BRCA1: variants seen among roughly 807,000 people sequenced by gnomAD.
BRCA1 encodes breast cancer type 1 susceptibility protein.
In BRCA1, 140 loss-of-function variants were observed where a neutral mutation model predicts 173.7. The ratio of observed to expected loss-of-function variants is 0.81; its 90% CI spans 0.70 to 0.93. The LOEUF (loss-of-function observed/expected upper bound fraction) is 0.93, where lower values mean the gene tolerates loss of function less well. Among genes scored for constraint, BRCA1 ranks in the 40% least tolerant of loss-of-function variants. The pLI is 0.00. For missense variants in BRCA1, 1,983 were observed against 2,172.5 expected (o/e 0.91, Z 1.73); for synonymous variants, 662 against 756.0 (o/e 0.88, Z 2.04).
intron 19 of BRCA1, among the ~76,000 whole-genome samples, chr17:43,052,878 G>GTTT (rs1202201268): frequency 7.7e-6 from 1 of 130,374 alleles, no homozygotes; most frequent in African/African-American, 3.0e-5. Context: ...AAGTCTGTGT[G>GTTT]TTTTTTTTTT....
At chr17:43,145,642 T>C (rs1341486514) in intron 1 of BRCA1, among the ~76,000 whole-genome samples, 1 of 152,226 alleles carries the variant, frequency 6.6e-6, no homozygotes, top group East Asian at 1.9e-4. Context: ...GGAATATTTT[T>C]ATCAACTATT....
At chr17:43,129,071 C>G (rs185898447), upstream of BRCA1, among the ~76,000 whole-genome samples, 6 of 152,150 alleles carry the variant, frequency 3.9e-5, no homozygotes, top group African/African-American at 1.2e-4. Flanking sequence ...AAAAAAAAAT[C>G]GATGTGGAGG....
intron 12 of BRCA1, among the ~76,000 whole-genome samples, chr17:43,078,369 G>A (rs2052839041): frequency 6.6e-6 from 1 of 152,148 alleles, no homozygotes; most frequent in Non-Finnish European, 1.5e-5. Flanking sequence ...ATAGGCATGA[G>A]CCACCATACC....
intron 20 of BRCA1, among the ~76,000 whole-genome samples, chr17:43,050,686 C>T (rs2051172797): frequency 6.6e-6 from 1 of 151,042 alleles, no homozygotes; most frequent in Admixed American, 6.6e-5. Context: ...GGGCCAGCTG[C>T]TGTGCTTTCT....
chr17:43,100,652 T>C (rs1395824079), intron 6 of BRCA1, among the ~76,000 whole-genome samples: 1 of 45,548 alleles, frequency 2.2e-5, no homozygotes, highest in African/African-American at 1.1e-4. Flanking sequence ...ATAACATATA[T>C]ATAACATATA....
chr17:43,070,602 T>G (rs183380638), intron 15 of BRCA1, among the ~76,000 whole-genome samples: 141 of 152,296 alleles, frequency 9.3e-4, no homozygotes, highest in African/African-American at 3.3e-3. Flanking sequence ...AAAAGATGCC[T>G]TCTGGGGAAT....
In BRCA1 at chr17:43,091,850, T is replaced by A. The variant is rs730881488; in HGVS notation, c.3681A>T (p.Gln1227His). 6.2e-7 allele frequency: 1 copy of A among 1,614,152 alleles called. No individual in the cohort carries two copies. Among genetic ancestry groups the A allele is most frequent in the African/African-American group, 1.3e-5 (1 of 75,024 alleles). Residue 1227 changes from glutamine to histidine, a missense_variant, in exon 10 of 23, where the codon CAA (glutamine) becomes CAT (histidine). Transcript: ENST00000357654. ...SSEDEELPCF[Q>H]HLLFGKVNNI... ...TGTTTACTTTACCAAATAACAAGTGTTGGAAGCAGGGAAGCTCTTCATCCT... is the reference window on the plus strand; with the variant it reads ...TGTTTACTTTACCAAATAACAAGTGATGGAAGCAGGGAAGCTCTTCATCCT...
intron 11 of BRCA1, among the ~76,000 whole-genome samples, chr17:43,087,747 G>A (rs2053285147): frequency 1.3e-5 from 2 of 151,746 alleles, no homozygotes; most frequent in African/African-American, 4.8e-5. Flanking sequence ...TGGATTTCTT[G>A]TTTTTGAGAC....
rs532039683 is a variant in BRCA1, at chr17:43,119,949, A to G, written c.80+4068T>C. Reference sequence around the variant, plus strand: ...AAGGAAGACTGTGAAAAGGGAAAAGAAAAAAAATTAAAATGTTCCCCTTCT... The same window carrying G: ...AAGGAAGACTGTGAAAAGGGAAAAGGAAAAAAATTAAAATGTTCCCCTTCT... On this transcript the variant is annotated intron_variant, in intron 2 of 22. Transcript: ENST00000357654. Among the ~76,000 whole-genome samples the G allele has an allele frequency of 2.5e-3, 387 of 152,286 alleles. 1 individual carries two copies. The highest frequency in any genetic ancestry group is 8.8e-3 in the African/African-American group (365 of 41,550).
intron 3 of BRCA1, among the ~76,000 whole-genome samples, chr17:43,115,088 G>A (rs2055200896): frequency 6.6e-6 from 1 of 152,182 alleles, no homozygotes; most frequent in Non-Finnish European, 1.5e-5. Flanking sequence ...GAAATGAACA[G>A]AAAGGAGAAA....
intron 22 of BRCA1, among the ~76,000 whole-genome samples, chr17:43,046,554 T>G (rs1392876056): frequency 6.6e-6 from 1 of 151,968 alleles, no homozygotes; most frequent in East Asian, 1.9e-4. Flanking sequence ...CGTGCCACCA[T>G]GCCTGGCTAA....
intron 2 of BRCA1, among the ~76,000 whole-genome samples, chr17:43,118,289 T>C (rs928404578): frequency 5.3e-5 from 8 of 152,164 alleles, no homozygotes; most frequent in African/African-American, 1.7e-4. Context: ...GAGGATATTG[T>C]AGGGAAAGAC....
At chr17:43,060,847 C>T (rs138814568) in intron 18 of BRCA1, among the ~76,000 whole-genome samples, 35 of 152,128 alleles carry the variant, frequency 2.3e-4, no homozygotes, top group African/African-American at 7.9e-4. Flanking sequence ...AAGCTCTGGC[C>T]GGGCACAGTG....
intron 1 of BRCA1, chr17:43,138,583 A>G: frequency 1.4e-6 from 1 of 720,940 alleles, no homozygotes. Context: ...AGGGCTCCCC[A>G]CCATGCCTGG....
chr17:43,057,087 C>A lies in BRCA1; in HGVS notation c.5242G>T (p.Gly1748Cys), dbSNP rs397507245. The A allele has an allele frequency of 6.2e-7, 1 of 1,614,082 alleles. No homozygotes were observed. Reference protein sequence around the residue: ...GDVVNGRNHQGPKRARESQDR... With the variant: ...GDVVNGRNHQCPKRARESQDR... Reference sequence around the variant, plus strand: ...TGGGATTCTCTTGCTCGCTTTGGACCTTGGTGGTTTCTTCCATTGACCACA... The same window carrying A: ...TGGGATTCTCTTGCTCGCTTTGGACATTGGTGGTTTCTTCCATTGACCACA... The change falls in exon 19 of 23, where the codon GGT becomes TGT. Residue 1748 changes from glycine to cysteine, a missense_variant. Coordinates refer to ENST00000357654, the MANE Select transcript of BRCA1 (RefSeq NM_007294.4).
In BRCA1 at chr17:43,124,063, G is replaced by T. The variant is rs80357134; in HGVS notation, c.34C>A (p.Gln12Lys). Residue 12 changes from glutamine to lysine, a missense_variant, in exon 2 of 23, where the codon CAA (glutamine) becomes AAA (lysine). By Grantham distance (53) the Gln-to-Lys change is moderately conservative. Transcript: ENST00000357654. Reference sequence around the variant, plus strand: ...TTCTGCATAGCATTAATGACATTTTGTACTTCTTCAACGCGAAGAGCAGAT... The same window carrying T: ...TTCTGCATAGCATTAATGACATTTTTTACTTCTTCAACGCGAAGAGCAGAT... ...DLSALRVEEV[Q>K]NVINAMQKIL... 6.2e-7 allele frequency: 1 copy of T among 1,613,790 alleles called. No individual in the cohort carries two copies. Among genetic ancestry groups the T allele is most frequent in the Non-Finnish European group, 8.5e-7 (1 of 1,179,800 alleles).
chr17:43,141,376 C>A (rs1461533680), intron 1 of BRCA1, among the ~76,000 whole-genome samples: 6 of 152,108 alleles, frequency 3.9e-5, no homozygotes, highest in East Asian at 3.8e-4. Flanking sequence ...GAGGCTGAGG[C>A]AGGAGGATCT....
intron 1 of BRCA1, among the ~76,000 whole-genome samples, chr17:43,137,655 C>T (rs1234796907): frequency 3.3e-5 from 5 of 151,992 alleles, no homozygotes; most frequent in African/African-American, 4.8e-5. Flanking sequence ...TCAAGGTGAG[C>T]GGATCACTTG....
chr17:43,076,720 A>C, intron 12 of BRCA1, 106 bp from the exon 13 acceptor site: 1 of 1,419,476 alleles, frequency 7.0e-7, no homozygotes, highest in Non-Finnish European at 9.8e-7. Flanking sequence ...TATGATACAC[A>C]AATTGGTTTT....
Sources: gnomAD v4.1 joint callset for allele counts (sites outside exome capture counted in the v4.1 genomes callset) on GRCh38, gnomAD v4.1.1 for gene constraint, MANE v1.5 for transcripts, NCBI Gene and HGNC (gene_info 2026-07-23, HGNC 2026-07-21) for gene names.